GPT2: variants seen among roughly 807,000 people sequenced by gnomAD.
GPT2 encodes the protein alanine aminotransferase 2.
Under a neutral mutation model 56.9 loss-of-function variants are expected in GPT2, and 30 were observed. That is an observed-to-expected ratio of 0.53 (90% CI 0.39 to 0.72). The LOEUF (loss-of-function observed/expected upper bound fraction) is 0.72, where lower values mean the gene tolerates loss of function less well. Ranked by LOEUF, GPT2 falls within the 30% of genes least tolerant of loss-of-function variation. GPT2 has a pLI of 0.00. For missense variants in GPT2, 542 were observed against 703.4 expected (o/e 0.77, Z 2.60); for synonymous variants, 271 against 283.1 (o/e 0.96, Z 0.43).
chr16:46,926,546 G>A (rs1421685933), intron 10 of GPT2, among the ~76,000 whole-genome samples: 1 of 152,208 alleles, frequency 6.6e-6, no homozygotes, highest in Non-Finnish European at 1.5e-5. Context: ...AAGCAGTGTT[G>A]AGAGTGCCTC....
In GPT2 at chr16:46,900,475, A is replaced by C. The variant is rs531456427; in HGVS notation, c.334-207A>C. On this transcript the variant is annotated intron_variant, in intron 3 of 11. Coordinates refer to ENST00000340124, the MANE Select transcript of GPT2 (RefSeq NM_133443.4). ...CTTCCAGCAGCCCAGGTCATAGTGC[A>C]TCCCAACTCTCAACTTCTCCCCTTC... Among the ~76,000 whole-genome samples the C allele has an allele frequency of 6.6e-5, 10 of 152,226 alleles. No individual in the cohort carries two copies. In the South Asian group the frequency reaches 2.1e-3, roughly 32 times the overall value.
At chr16:46,887,947 A>G (rs1347653839) in intron 2 of GPT2, among the ~76,000 whole-genome samples, 3 of 152,318 alleles carry the variant, frequency 2.0e-5, no homozygotes, top group Non-Finnish European at 2.9e-5. Context: ...AGCAGCTCCA[A>G]AGGGGAGAAC....
intron 9 of GPT2, chr16:46,923,954 G>C: frequency 3.2e-6 from 1 of 309,270 alleles, no homozygotes; most frequent in South Asian, 3.0e-5. Context: ...TACGAGAATA[G>C]AACCCATGAC....
intron 8 of GPT2, 55 bp from the exon 9 acceptor site, chr16:46,922,187 C>T: frequency 6.4e-7 from 1 of 1,568,010 alleles, no homozygotes; most frequent in Non-Finnish European, 8.7e-7. Flanking sequence ...CCAAATGGCA[C>T]TTTGTTGAGG....
intron 4 of GPT2, among the ~76,000 whole-genome samples, chr16:46,905,440 C>T (rs1596870451): frequency 6.6e-6 from 1 of 152,166 alleles, no homozygotes; most frequent in Admixed American, 6.5e-5. Context: ...TACTTCCAGT[C>T]GCCATCCTGC....
intron 6 of GPT2, among the ~76,000 whole-genome samples, chr16:46,913,463 T>C (rs191816027): frequency 4.7e-4 from 72 of 152,336 alleles, no homozygotes; most frequent in African/African-American, 1.6e-3. Flanking sequence ...TGGTTTCTTA[T>C]AGAAGCTGGG....
intron 11 of GPT2, 108 bp from the exon 12 acceptor site, chr16:46,928,799 G>C (rs1401518145): frequency 1.1e-5 from 9 of 802,424 alleles, no homozygotes; most frequent in Non-Finnish European, 2.0e-5. Flanking sequence ...TGTCGAAGCA[G>C]ACCAGGCAGA....
At chr16:46,895,488 G>A (rs1435587612) in intron 2 of GPT2, among the ~76,000 whole-genome samples, 1 of 151,784 alleles carries the variant, frequency 6.6e-6, no homozygotes, top group Non-Finnish European at 1.5e-5. Context: ...TCACACCATT[G>A]CACTCCAGTC....
intron 4 of GPT2, among the ~76,000 whole-genome samples, chr16:46,902,822 C>T (rs1321343511): frequency 6.6e-6 from 1 of 152,128 alleles, no homozygotes; most frequent in African/African-American, 2.4e-5. Context: ...GATGAGATTT[C>T]ACCATATTGG....
In GPT2 at chr16:46,899,355, G is replaced by T. The variant is rs140245358; in HGVS notation, c.334-1327G>T. On this transcript the variant is annotated intron_variant, in intron 3 of 11. Coordinates refer to ENST00000340124, the MANE Select transcript of GPT2 (RefSeq NM_133443.4). ...AAATGCAGTGCTGTGTGTGGTTAAGGTTCATGGGCTAGGGCCATCAGGGAG... is the reference window on the plus strand; with the variant it reads ...AAATGCAGTGCTGTGTGTGGTTAAGTTTCATGGGCTAGGGCCATCAGGGAG... Among the ~76,000 whole-genome samples, 957 of 152,184 alleles carry T rather than the reference G, an allele frequency of 6.3e-3. 11 individuals carry two copies. The highest frequency in any genetic ancestry group is 8.2e-3 in the Non-Finnish European group (561 of 68,002).
chr16:46,927,744 C>G (rs369431758), intron 11 of GPT2, among the ~76,000 whole-genome samples: 2 of 151,860 alleles, frequency 1.3e-5, no homozygotes, highest in Non-Finnish European at 2.9e-5. Flanking sequence ...GATGGACAAA[C>G]CTTGTCCGGT....
At chr16:46,924,228 G>A (rs1208727047) in intron 9 of GPT2, 161 bp from the exon 10 acceptor site, 1 of 781,062 alleles carries the variant, frequency 1.3e-6, no homozygotes, top group African/African-American at 1.7e-5. Flanking sequence ...GACCCAGGCA[G>A]AGCAAATCTG....
chr16:46,920,809 A>G (rs1332033641), intron 8 of GPT2, among the ~76,000 whole-genome samples: 1 of 150,834 alleles, frequency 6.6e-6, no homozygotes, highest in Admixed American at 6.6e-5. Context: ...CTTTTCCTAA[A>G]CAAATCTGTT....
chr16:46,884,598 G>C, intron 1 of GPT2, 96 bp from the exon 2 acceptor site: 2 of 1,239,456 alleles, frequency 1.6e-6, no homozygotes, highest in South Asian at 6.6e-5. Flanking sequence ...GGCTGGCACC[G>C]CTCGCTGAAA....
chr16:46,901,988 G>A (rs985090226), intron 4 of GPT2, among the ~76,000 whole-genome samples: 1 of 152,234 alleles, frequency 6.6e-6, no homozygotes, highest in African/African-American at 2.4e-5. Flanking sequence ...AAGGGCAAAG[G>A]TGTTTCCCAA....
rs1270943346 is a variant in GPT2, at chr16:46,884,856, C to T, written c.141C>T (p.Ile47=). ...VRPERSRRER[I]LTLESMNPQV... ...CCGAGCGCAGCCGGCGCGAGCGCAT[C>T]CTCACGCTGGAGTCCATGAACCCGC... Residue 47 remains isoleucine (I), a synonymous_variant, in exon 2 of 12, where the codon ATC becomes ATT. Coordinates refer to ENST00000340124, the MANE Select transcript of GPT2 (RefSeq NM_133443.4). 3 of 1,543,838 alleles carry T rather than the reference C, an allele frequency of 1.9e-6. No individual in the cohort carries two copies. Among genetic ancestry groups the T allele is most frequent in the Non-Finnish European group, 2.6e-6 (3 of 1,144,938 alleles).
chr16:46,884,775 G>A lies in GPT2; in HGVS notation c.60G>A (p.Trp20Ter). The A allele has an allele frequency of 6.7e-7, 1 of 1,497,690 alleles. No homozygotes were observed. Among genetic ancestry groups the A allele is most frequent in the Non-Finnish European group, 8.9e-7 (1 of 1,123,320 alleles). 92.8% of individuals were successfully genotyped at this position (1,497,690 alleles called of 1,614,324 possible). A position where few individuals can be genotyped will look rare whatever the true frequency, so the allele number is the denominator to read the frequency against. ...RGCGPRTPSS[W>*]GRSQSSAAAE... ...GTGGTCCCCGGACCCCCAGCTCCTG[G>A]GGCCGCAGCCAGAGCAGCGCGGCCG... The change falls in exon 2 of 12, where the codon TGG becomes TGA. Residue 20 changes from tryptophan (W) to a stop codon, truncating the protein, a stop_gained. Coordinates refer to ENST00000340124, the MANE Select transcript of GPT2 (RefSeq NM_133443.4). LOFTEE classifies it high-confidence loss of function.
intron 2 of GPT2, among the ~76,000 whole-genome samples, chr16:46,894,866 T>C (rs1277923798): frequency 8.6e-5 from 13 of 152,024 alleles, no homozygotes; most frequent in Non-Finnish European, 4.4e-5. Context: ...GGGGTTTCAC[T>C]GTGTTAGCCA....
chr16:46,914,308 G>C (rs555272921), intron 6 of GPT2, among the ~76,000 whole-genome samples: 1 of 152,138 alleles, frequency 6.6e-6, no homozygotes, highest in Non-Finnish European at 1.5e-5. Context: ...AGGCCGAGGC[G>C]GGTGGATCAC....
Sources: gnomAD v4.1 joint callset for allele counts (sites outside exome capture counted in the v4.1 genomes callset) on GRCh38, gnomAD v4.1.1 for gene constraint, MANE v1.5 for transcripts, NCBI Gene and HGNC (gene_info 2026-07-23, HGNC 2026-07-21) for gene names.